PCLO: variants seen among roughly 807,000 people sequenced by gnomAD.
PCLO encodes protein piccolo.
A neutral mutation model predicts 427.5 loss-of-function variants in PCLO; 82 were observed. The observed-to-expected ratio is 0.19, with a 90% CI of 0.16 to 0.23. PCLO has a LOEUF of 0.23. Ranked by LOEUF, PCLO falls within the 10% of genes least tolerant of loss-of-function variation. The pLI, the probability that PCLO is intolerant of heterozygous loss-of-function variation, is 1.00. For synonymous variants in PCLO, 2,357 were observed against 2,155.4 expected (o/e 1.09, Z -2.59); for missense variants, 6,239 against 6,115.9 (o/e 1.02, Z -0.67).
At chr7:82,905,716 A>G (rs1288642701) in intron 8 of PCLO, among the ~76,000 whole-genome samples, 5 of 151,950 alleles carry the variant, frequency 3.3e-5, no homozygotes, top group African/African-American at 1.2e-4. Flanking sequence ...GCGAAAACAG[A>G]ACATTCAAAT....
At chr7:83,157,038 T>C (rs1338676242) in intron 1 of PCLO, among the ~76,000 whole-genome samples, 1 of 152,162 alleles carries the variant, frequency 6.6e-6, no homozygotes, top group Non-Finnish European at 1.5e-5. Context: ...TTATAATCTA[T>C]TTAATTTTAC....
chr7:82,826,692 C>G, intron 17 of PCLO, 32 bp from the exon 18 acceptor site: 2 of 1,379,716 alleles, frequency 1.4e-6, no homozygotes, highest in Non-Finnish European at 2.0e-6. Flanking sequence ...CTAATTAAAC[C>G]TATCTTTCCA....
intron 3 of PCLO, among the ~76,000 whole-genome samples, chr7:83,130,473 A>T (rs1791544182): frequency 6.6e-6 from 1 of 152,160 alleles, no homozygotes. Flanking sequence ...CACTGTGCTG[A>T]CCAGTCTCCA....
At chr7:82,958,672 T>C (rs1003170914) in intron 4 of PCLO, among the ~76,000 whole-genome samples, 1 of 152,174 alleles carries the variant, frequency 6.6e-6, no homozygotes, top group African/African-American at 2.4e-5. Flanking sequence ...CCAATTTGAA[T>C]GTCTTTCCAG....
At chr7:83,005,760 G>A (rs1160702772) in intron 3 of PCLO, among the ~76,000 whole-genome samples, 4 of 151,422 alleles carry the variant, frequency 2.6e-5, no homozygotes, top group African/African-American at 9.7e-5. Context: ...TTAAAAAGCT[G>A]GGTTAGGGGA....
At chr7:83,096,804 A>AATATTATATAATATAAATATATAAAAAT (rs1220021434) in intron 3 of PCLO, among the ~76,000 whole-genome samples, 1 of 46,278 alleles carries the variant, frequency 2.2e-5, no homozygotes, top group African/African-American at 1.1e-4. Flanking sequence ...AAAATATATT[A>AATATTATATAATATAAATATATAAAAAT]ATATTATATA....
At chr7:83,090,751 AT>A (rs899564283) in intron 3 of PCLO, among the ~76,000 whole-genome samples, 14 of 152,054 alleles carry the variant, frequency 9.2e-5, no homozygotes, top group East Asian at 1.9e-4. Flanking sequence ...TTTAAATTAC[AT>A]TTTTTTGATA....
intron 16 of PCLO, among the ~76,000 whole-genome samples, chr7:82,835,321 G>A (rs1792205328): frequency 1.3e-5 from 2 of 152,102 alleles, no homozygotes; most frequent in Non-Finnish European, 2.9e-5. Context: ...TTTAATAGAA[G>A]ACTCGAGAAC....
At chr7:82,978,514 T>C (rs918713504) in intron 3 of PCLO, among the ~76,000 whole-genome samples, 6 of 152,092 alleles carry the variant, frequency 3.9e-5, no homozygotes, top group Admixed American at 2.0e-4. Context: ...GATATTCCTA[T>C]TGTTCTAAGT....
intron 3 of PCLO, among the ~76,000 whole-genome samples, chr7:83,019,536 C>A (rs1263739113): frequency 6.6e-6 from 1 of 151,280 alleles, no homozygotes; most frequent in Non-Finnish European, 1.5e-5. Flanking sequence ...GATTTATTAC[C>A]CTAGAAATGT....
chr7:83,009,519 A>AT (rs1245576769), intron 3 of PCLO, among the ~76,000 whole-genome samples: 1 of 151,826 alleles, frequency 6.6e-6, no homozygotes, highest in African/African-American at 2.4e-5. Context: ...TCAAAGAGAA[A>AT]TTTTTATTCT....
At chr7:82,807,487 T>C (rs1284724505) in intron 20 of PCLO, among the ~76,000 whole-genome samples, 1 of 152,108 alleles carries the variant, frequency 6.6e-6, no homozygotes, top group East Asian at 1.9e-4. Context: ...TTTTAACCAA[T>C]ATAATAACCA....
intron 9 of PCLO, among the ~76,000 whole-genome samples, chr7:82,885,596 A>G (rs73710062): frequency 0.019 from 2,954 of 152,286 alleles, 87 homozygotes; most frequent in African/African-American, 0.066. Context: ...CAACATATGT[A>G]GACATTATTT....
intron 6 of PCLO, among the ~76,000 whole-genome samples, chr7:82,931,590 G>A (rs1794841075): frequency 6.6e-6 from 1 of 152,058 alleles, no homozygotes; most frequent in Non-Finnish European, 1.5e-5. Context: ...GACACGGGAG[G>A]CCTGTTGGAC....
chr7:82,833,704 A>G (rs1181714508), intron 16 of PCLO, among the ~76,000 whole-genome samples: 2 of 145,412 alleles, frequency 1.4e-5, no homozygotes, highest in East Asian at 4.4e-4. Flanking sequence ...TTTCTGTTGC[A>G]GAGATAACCA....
In PCLO at chr7:82,838,239, A is replaced by G. The variant is rs1296851043; in HGVS notation, c.14201T>C (p.Val4734Ala). The G allele has an allele frequency of 6.2e-7, 1 of 1,600,906 alleles. No homozygotes were observed. Among genetic ancestry groups the G allele is most frequent in the Non-Finnish European group, 8.5e-7 (1 of 1,171,416 alleles). ...TTACCCTCTCCCTGGAAGAAGGTAC[A>G]CTTTCACAAAAGGGTCAGAATAACC... ...NNGYSDPFVK[V>A]YLLPGRGQVM... Residue 4734 changes from valine to alanine, a missense_variant, in exon 15 of 25, where the codon GTG becomes GCG. This residue lies in a region of PCLO where 877 missense variants were observed against 925.5 expected (regional missense o/e 0.95). Coordinates refer to ENST00000333891, the MANE Select transcript of PCLO (RefSeq NM_033026.6).
At position 83,135,595 on chromosome 7, in the gene PCLO, G is replaced by A. The variant is rs1414322581; in HGVS notation, c.1955C>T (p.Pro652Leu). 3.1e-6 allele frequency: 5 copies of A among 1,613,022 alleles called. No individual in the cohort carries two copies. The highest frequency in any genetic ancestry group is 4.2e-6 in the Non-Finnish European group (5 of 1,179,516). Reference protein sequence around the residue: ...MKRALGGDLAPVPSSPQPKLK... With the variant: ...MKRALGGDLALVPSSPQPKLK... Reference sequence around the variant, plus strand: ...TTTGGGCTGGGGTGATGACGGAACTGGAGCCAGATCCCCGCCTAGAGCTCT... The same window carrying A: ...TTTGGGCTGGGGTGATGACGGAACTAGAGCCAGATCCCCGCCTAGAGCTCT... The change falls in exon 3 of 25, where the codon CCA (proline) becomes CTA (leucine). Residue 652 changes from proline (P) to leucine (L), a missense_variant. This residue lies in a region of PCLO where 4,677 missense variants were observed against 4,468.4 expected (regional missense o/e 1.05). Coordinates refer to ENST00000333891, the MANE Select transcript of PCLO (RefSeq NM_033026.6).
chr7:83,051,529 T>C (rs982724613), intron 3 of PCLO, among the ~76,000 whole-genome samples: 25 of 152,176 alleles, frequency 1.6e-4, no homozygotes, highest in Non-Finnish European at 3.4e-4. Context: ...AGGAAAACTA[T>C]ACAGCTCTAA....
intron 3 of PCLO, among the ~76,000 whole-genome samples, chr7:83,022,580 C>A (rs910135971): frequency 6.6e-6 from 1 of 152,064 alleles, no homozygotes; most frequent in Non-Finnish European, 1.5e-5. Context: ...AATATGAAAA[C>A]AATATACACT....
Sources: allele counts gnomAD v4.1 joint callset (sites outside exome capture counted in the v4.1 genomes callset), GRCh38; gene constraint gnomAD v4.1.1; regional missense constraint gnomAD v4.1.1; transcripts MANE v1.5; gene names NCBI Gene and HGNC (gene_info 2026-07-23, HGNC 2026-07-21).